Variants in ENDOV observed in about 807,000 individuals in gnomAD.
ENDOV encodes the protein hEndoV.
ENDOV carries 37 observed loss-of-function variants against 39.4 expected under a neutral mutation model. That is an observed-to-expected ratio of 0.94 (90% CI 0.72 to 1.23). The LOEUF is 1.23. Ranked by LOEUF, ENDOV falls within the 50% of genes most tolerant of loss-of-function variation. The pLI, the probability that ENDOV is intolerant of heterozygous loss-of-function variation, is 0.00. For missense variants in ENDOV, 441 were observed against 375.7 expected (o/e 1.17, Z -1.44); for synonymous variants, 186 against 163.4 (o/e 1.14, Z -1.05).
chr17:80,426,967 C>T (rs548971686), intron 7 of ENDOV, among the ~76,000 whole-genome samples: 1 of 152,374 alleles, frequency 6.6e-6, no homozygotes, highest in African/African-American at 2.4e-5. Context: ...TGCAGCCTGC[C>T]CTGGGGCAGC....
At position 80,415,794 on chromosome 17, in the gene ENDOV, G is replaced by A. The variant is rs996490492; in HGVS notation, c.201G>A (p.Leu67=). The change falls in exon 2 of 10, where the codon CTG becomes CTA. Residue 67 remains leucine (L), a synonymous_variant. Transcript: ENST00000518137. The part of the protein sequence containing the change: ...KGDSVRACAS[L]VVLSFPELEV... The stretch of plus-strand genomic sequence containing the variant: ...ACAGTGTCCGCGCTTGTGCTTCCCT[G>A]GTGGTGCTCAGCTTCCCTGAGCTCG... The A allele has an allele frequency of 6.2e-7, 1 of 1,601,528 alleles. No homozygotes were observed.
chr17:80,422,322 C>T, intron 4 of ENDOV, 77 bp downstream of exon 4: 2 of 1,554,746 alleles, frequency 1.3e-6, no homozygotes, highest in South Asian at 1.1e-5. Flanking sequence ...TCGTCCCCCA[C>T]AGAAAATGCT....
At chr17:80,424,249 A>G in intron 5 of ENDOV, 1 of 399,226 alleles carries the variant, frequency 2.5e-6, no homozygotes, top group East Asian at 3.6e-5. Flanking sequence ...AGGTGCCTGC[A>G]TGGAGAAGTT....
At chr17:80,420,241 C>T (rs2081816192) in intron 2 of ENDOV, 1 of 152,716 alleles carries the variant, frequency 6.5e-6, no homozygotes, top group African/African-American at 2.4e-5. Flanking sequence ...CATAATGTCA[C>T]CTGAATGATA....
chr17:80,430,431 A>G (rs1486486795), intron 9 of ENDOV: 2 of 1,401,694 alleles, frequency 1.4e-6, no homozygotes, highest in Admixed American at 2.2e-5. Context: ...GTTTACTTGC[A>G]AAATCAGGGT....
In ENDOV at chr17:80,428,394, G is replaced by A. The variant is rs41300776; in HGVS notation, c.715-202G>A. On this transcript the variant is annotated intron_variant, in intron 7 of 9. Coordinates refer to ENST00000518137, the MANE Select transcript of ENDOV (RefSeq NM_173627.5). ...AGCTCGGTTTGAGAGCTGCCATTGC[G>A]GGGCTTTGACCCCAAAGTCCCAGGC... 4,357 of 587,392 alleles carry A rather than the reference G, an allele frequency of 7.4e-3. 149 individuals are homozygous for A. The highest frequency in any genetic ancestry group is 0.071 in the African/African-American group (3,780 of 53,512). The allele number at this position is 587,392 out of a possible 1,614,324, so 36.4% of individuals were successfully genotyped here.
Position 80,415,833 on chromosome 17 carries a change from G to A in ENDOV, c.228+12G>A, listed in dbSNP as rs747396769. On this transcript the variant is annotated intron_variant, in intron 2 of 9. Coordinates refer to ENST00000518137, the MANE Select transcript of ENDOV (RefSeq NM_173627.5). ...TCCCTGAGCTCGAGGTAACCTGGGA[G>A]GACGCCGAGCTCGAGGCGGGCCCCT... 4.5e-5 allele frequency: 72 copies of A among 1,584,132 alleles called. No individual in the cohort carries two copies. Among genetic ancestry groups the A allele is most frequent in the Non-Finnish European group, 3.2e-5 (37 of 1,165,486 alleles).
At chr17:80,434,297 G>C (rs553987530) in intron 9 of ENDOV, among the ~76,000 whole-genome samples, 78 of 152,286 alleles carry the variant, frequency 5.1e-4, no homozygotes, top group Non-Finnish European at 2.9e-5. Context: ...TCTTCTTTAT[G>C]GCTGAGTCAT....
chr17:80,428,725 CG>C (rs1216839821), intron 8 of ENDOV, 65 bp downstream of exon 8: 1 of 1,474,586 alleles, frequency 6.8e-7, no homozygotes, highest in Non-Finnish European at 9.3e-7. Flanking sequence ...GGGCTGTTTC[CG>C]GTGGCTCAGC....
chr17:80,415,617 C>T (rs759738297), intron 1 of ENDOV, 33 bp from the exon 2 acceptor site: 2 of 1,604,352 alleles, frequency 1.2e-6, no homozygotes, highest in Middle Eastern at 1.7e-4. Context: ...TGAGGTGTGA[C>T]CCCGACCAAG....
Position 80,423,505 on chromosome 17 carries a change from C to T in ENDOV, c.404-15C>T, listed in dbSNP as rs965217218. 2 of 1,548,456 alleles carry T rather than the reference C, an allele frequency of 1.3e-6. No individual in the cohort carries two copies. Among genetic ancestry groups the T allele is most frequent in the Non-Finnish European group, 1.7e-6 (2 of 1,145,682 alleles). ...GCCCCACCTCCCCAACCCCACCCTC[C>T]TTTCTCTCTGGCAGGCTTTGGGGTG... On this transcript the variant is annotated splice_polypyrimidine_tract_variant and intron_variant, in intron 4 of 9. Transcript: ENST00000518137.
intron 5 of ENDOV, 60 bp downstream of exon 5, chr17:80,423,692 C>G (rs1248902934): frequency 6.0e-6 from 9 of 1,497,102 alleles, no homozygotes; most frequent in Non-Finnish European, 8.1e-6. Context: ...TGTGGTGGCC[C>G]TGGGCATGAG....
chr17:80,419,503 G>A (rs2144859030), intron 2 of ENDOV: 2 of 683,776 alleles, frequency 2.9e-6, no homozygotes, highest in Non-Finnish European at 5.4e-6. Flanking sequence ...GGAGCCTGTT[G>A]TGTGCTGGAC....
Position 80,436,425 on chromosome 17 carries a change from T to A in ENDOV, c.*282T>A. On this transcript the variant is annotated 3_prime_UTR_variant, in exon 10 of 10. Transcript: ENST00000518137. Reference sequence around the variant, plus strand: ...GCTGTTAGATTTTCAAGGATGCTCTTCATCCAGCTGAAGACGGTCCCTTCT... The same window carrying A: ...GCTGTTAGATTTTCAAGGATGCTCTACATCCAGCTGAAGACGGTCCCTTCT... The A allele has an allele frequency of 7.6e-7, 1 of 1,313,226 alleles. No homozygotes were observed. The highest frequency in any genetic ancestry group is 1.0e-6 in the Non-Finnish European group (1 of 998,822). 81.3% of individuals were successfully genotyped at this position (1,313,226 alleles called of 1,614,324 possible).
At chr17:80,424,007 C>T (rs1195200305) in intron 5 of ENDOV, 7 of 360,706 alleles carry the variant, frequency 1.9e-5, no homozygotes, top group Non-Finnish European at 3.5e-5. Flanking sequence ...GTCTCCTCCC[C>T]TGCATGCTCA....
intron 6 of ENDOV, 35 bp from the exon 7 acceptor site, chr17:80,425,456 CA>C: frequency 6.3e-7 from 1 of 1,575,134 alleles, no homozygotes; most frequent in Admixed American, 1.8e-5. Context: ...CCCGGTGGCC[CA>C]GCCCACAGGA....
Position 80,428,374 on chromosome 17 carries a change from G to A in ENDOV, c.715-222G>A, listed in dbSNP as rs1478866743. The stretch of plus-strand genomic sequence containing the variant: ...AGGCCCTTCAGGGACTGCCCAGCTC[G>A]GTTTGAGAGCTGCCATTGCGGGGCT... On this transcript the variant is annotated intron_variant, in intron 7 of 9. Coordinates refer to ENST00000518137, the MANE Select transcript of ENDOV (RefSeq NM_173627.5). The A allele has an allele frequency of 1.4e-5, 8 of 571,384 alleles. No homozygotes were observed. In the East Asian group the frequency reaches 1.5e-4, roughly 11 times the overall value. 35.4% of individuals were successfully genotyped at this position (571,384 alleles called of 1,614,324 possible). A position where few individuals can be genotyped will look rare whatever the true frequency, so the allele number is the denominator to read the frequency against.
chr17:80,435,946 G>C (rs2083569118), intron 9 of ENDOV, among the ~76,000 whole-genome samples, 187 bp from the exon 10 acceptor site: 2 of 152,014 alleles, frequency 1.3e-5, no homozygotes, highest in Non-Finnish European at 2.9e-5. Context: ...GTAAAGACAG[G>C]GTCTCACCAT....
At chr17:80,423,934 C>T (rs186450445) in intron 5 of ENDOV, 10 of 439,840 alleles carry the variant, frequency 2.3e-5, no homozygotes, top group Admixed American at 8.1e-5. Flanking sequence ...GGGGACAGGA[C>T]GGGCTTCCAG....
Sources: allele counts gnomAD v4.1 joint callset (sites outside exome capture counted in the v4.1 genomes callset), GRCh38; gene constraint gnomAD v4.1.1; transcripts MANE v1.5; gene names NCBI Gene and HGNC (gene_info 2026-07-23, HGNC 2026-07-21).